The following SPMIP2 variants were observed in gnomAD, a reference collection of about 807,000 sequenced individuals.
The protein encoded by SPMIP2 is protein SPMIP2.
At chr4:159,078,686 GGATT>G in the SPMIP2 span, among the ~76,000 whole-genome samples, 1 of 152,226 alleles carries the variant, frequency 6.6e-6, no homozygotes, top group East Asian at 1.9e-4. Context: ...TTGTGTGGGT[GGATT>G]GTAAGGAAAA....
At chr4:158,907,372 T>G in the SPMIP2 span, 1 of 152,224 alleles carries the variant, frequency 6.6e-6, no homozygotes, top group Admixed American at 6.5e-5. Context: ...CCCATGGAAC[T>G]GCCGTTTACA....
the SPMIP2 span, among the ~76,000 whole-genome samples, chr4:158,976,659 A>AT: frequency 0.25 from 22,825 of 92,946 alleles, 4,427 homozygotes; most frequent in Non-Finnish European, 0.29. Context: ...ATGGATAAGC[A>AT]TTTTTTTTTT....
the SPMIP2 span, among the ~76,000 whole-genome samples, chr4:158,913,150 G>A: frequency 6.6e-6 from 1 of 152,208 alleles, no homozygotes. Context: ...TGTAATACAT[G>A]GTCCTAGACT....
chr4:159,015,258 T>C, the SPMIP2 span, among the ~76,000 whole-genome samples: 1 of 152,314 alleles, frequency 6.6e-6, no homozygotes, highest in East Asian at 1.9e-4. Context: ...AATGAATATA[T>C]GTGTGTATTT....
chr4:159,044,951 T>C, the SPMIP2 span, among the ~76,000 whole-genome samples: 2 of 151,946 alleles, frequency 1.3e-5, no homozygotes, highest in Admixed American at 6.6e-5. Flanking sequence ...AATTGGTCAG[T>C]GTGATGGCAG....
At chr4:158,989,271 A>G in the SPMIP2 span, among the ~76,000 whole-genome samples, 24 of 152,338 alleles carry the variant, frequency 1.6e-4, no homozygotes, top group Admixed American at 6.5e-4. Context: ...GTGCTCATGG[A>G]TAACAAGAAT....
the SPMIP2 span, among the ~76,000 whole-genome samples, chr4:158,931,552 C>T: frequency 2.0e-5 from 3 of 151,938 alleles, no homozygotes; most frequent in Admixed American, 6.6e-5. Flanking sequence ...CCACCATGCC[C>T]AGCCCAGAAA....
At chr4:158,931,720 A>G in the SPMIP2 span, among the ~76,000 whole-genome samples, 1 of 151,450 alleles carries the variant, frequency 6.6e-6, no homozygotes, top group African/African-American at 2.4e-5. Flanking sequence ...ATGCCAGCAC[A>G]CCCAGCTAAC....
chr4:158,950,783 C>A, the SPMIP2 span, among the ~76,000 whole-genome samples: 1 of 152,140 alleles, frequency 6.6e-6, no homozygotes. Flanking sequence ...GTAATCCCAG[C>A]TACTCAGGAG....
chr4:159,045,354 G>GAGATGATGAAGTCAT, the SPMIP2 span, among the ~76,000 whole-genome samples: 152,127 of 152,308 alleles, frequency 1, 75,973 homozygotes, highest in East Asian at 1. Flanking sequence ...AGGTATTTTT[G>GAGATGATGAAGTCAT]AGATACATTA....
At chr4:159,027,461 T>C in the SPMIP2 span, among the ~76,000 whole-genome samples, 1 of 152,138 alleles carries the variant, frequency 6.6e-6, no homozygotes, top group African/African-American at 2.4e-5. Flanking sequence ...CTGCATGCTA[T>C]GACAACAGAA....
At chr4:159,054,012 T>G in the SPMIP2 span, among the ~76,000 whole-genome samples, 1 of 152,176 alleles carries the variant, frequency 6.6e-6, no homozygotes, top group Middle Eastern at 3.2e-3. Context: ...CTTGTTTTTT[T>G]GCCCAGGCTG....
At chr4:158,977,914 T>TC in the SPMIP2 span, among the ~76,000 whole-genome samples, 19 of 151,992 alleles carry the variant, frequency 1.3e-4, no homozygotes, top group Non-Finnish European at 2.5e-4. Flanking sequence ...ACCCAGCCTA[T>TC]CTCCTTCAAT....
the SPMIP2 span, among the ~76,000 whole-genome samples, chr4:158,990,145 A>G: frequency 2.0e-5 from 3 of 152,254 alleles, no homozygotes; most frequent in Admixed American, 6.5e-5. Context: ...ATCACTGGTC[A>G]TTAGAGAAAT....
chr4:158,912,963 T>C, the SPMIP2 span, among the ~76,000 whole-genome samples: 1 of 152,308 alleles, frequency 6.6e-6, no homozygotes, highest in East Asian at 1.9e-4. Flanking sequence ...CAACGTCACT[T>C]ATCTGGGATT....
chr4:158,898,013 T>C, the SPMIP2 span, among the ~76,000 whole-genome samples: 1 of 152,238 alleles, frequency 6.6e-6, no homozygotes, highest in African/African-American at 2.4e-5. Context: ...TTAATTTTTG[T>C]AAAAGGTGTA....
chr4:159,059,135 C>T, the SPMIP2 span, among the ~76,000 whole-genome samples: 1 of 152,082 alleles, frequency 6.6e-6, no homozygotes, highest in Non-Finnish European at 1.5e-5. Flanking sequence ...AAGACAATAG[C>T]ACAAGTTGAA....
At chr4:159,006,951 A>G in the SPMIP2 span, among the ~76,000 whole-genome samples, 21 of 152,218 alleles carry the variant, frequency 1.4e-4, no homozygotes, top group Non-Finnish European at 2.2e-4. Context: ...ATTACAGTTT[A>G]TGGCCATTAA....
At chr4:159,003,241 G>A in the SPMIP2 span, among the ~76,000 whole-genome samples, 1 of 152,112 alleles carries the variant, frequency 6.6e-6, no homozygotes, top group Non-Finnish European at 1.5e-5. Flanking sequence ...GAGACAGCAT[G>A]ATGTGTAGAA....
Sources: allele counts gnomAD v4.1 joint callset (sites outside exome capture counted in the v4.1 genomes callset), GRCh38; gene constraint gnomAD v4.1.1; transcripts MANE v1.5; gene names NCBI Gene and HGNC (gene_info 2026-07-23, HGNC 2026-07-21).